FGD4: variants seen among roughly 807,000 people sequenced by gnomAD.
The protein encoded by FGD4 is FYVE, RhoGEF and PH domain containing 4.
In FGD4, 42 loss-of-function variants were observed where a neutral mutation model predicts 102.0. The ratio of observed to expected loss-of-function variants is 0.41; its 90% CI spans 0.32 to 0.53. The LOEUF (loss-of-function observed/expected upper bound fraction) is 0.53. Ranked by LOEUF, FGD4 falls within the 20% of genes least tolerant of loss-of-function variation. FGD4 has a pLI of 0.21. For missense variants in FGD4, 902 were observed against 1,078.2 expected (o/e 0.84, Z 2.29); for synonymous variants, 380 against 375.7 (o/e 1.01, Z -0.13).
At chr12:32,569,688 T>C (rs1945482670) in intron 2 of FGD4, among the ~76,000 whole-genome samples, 1 of 152,170 alleles carries the variant, frequency 6.6e-6, no homozygotes, top group South Asian at 2.1e-4. Context: ...GATAAATGAT[T>C]TACTTGCTAT....
chr12:32,503,073 G>A (rs1486264789), intron 1 of FGD4, among the ~76,000 whole-genome samples: 1 of 152,194 alleles, frequency 6.6e-6, no homozygotes, highest in Non-Finnish European at 1.5e-5. Flanking sequence ...TAAGAGGTTG[G>A]TAGCTCAAAC....
chr12:32,621,274 C>T (rs962179861), intron 11 of FGD4, among the ~76,000 whole-genome samples: 9 of 151,972 alleles, frequency 5.9e-5, no homozygotes, highest in Admixed American at 2.0e-4. Context: ...GGCAACAGAG[C>T]GAGACTCTGT....
At chr12:32,486,303 AT>A (rs1193587949) in intron 1 of FGD4, among the ~76,000 whole-genome samples, 1 of 152,092 alleles carries the variant, frequency 6.6e-6, no homozygotes, top group Non-Finnish European at 1.5e-5. Context: ...ATTATCGTGG[AT>A]TTTCTTTAGA....
At chr12:32,419,989 A>G (rs1205132507) in intron 1 of FGD4, among the ~76,000 whole-genome samples, 1 of 152,134 alleles carries the variant, frequency 6.6e-6, no homozygotes, top group African/African-American at 2.4e-5. Context: ...TATTCTCTTC[A>G]ATGTCTCTTT....
intron 1 of FGD4, among the ~76,000 whole-genome samples, chr12:32,422,723 C>T (rs899253535): frequency 5.5e-4 from 84 of 152,172 alleles, no homozygotes; most frequent in African/African-American, 2.0e-3. Context: ...CTAACAAATT[C>T]CCCTCCCCCT....
intron 1 of FGD4, among the ~76,000 whole-genome samples, chr12:32,515,253 T>C (rs1286639509): frequency 1.3e-5 from 2 of 152,206 alleles, no homozygotes; most frequent in Non-Finnish European, 2.9e-5. Flanking sequence ...AGGGCCCCAC[T>C]CCAATAAGGA....
intron 16 of FGD4, 58 bp from the exon 17 acceptor site, chr12:32,640,218 G>C: frequency 1.2e-6 from 2 of 1,613,308 alleles, no homozygotes; most frequent in Non-Finnish European, 1.7e-6. Flanking sequence ...AGGAGCAAGG[G>C]ACACACTTAA....
intron 1 of FGD4, among the ~76,000 whole-genome samples, chr12:32,443,079 C>A (rs1942497700): frequency 1.3e-5 from 2 of 152,146 alleles, no homozygotes; most frequent in South Asian, 2.1e-4. Flanking sequence ...TAACCTCTTA[C>A]CAGATGTATG....
intron 1 of FGD4, among the ~76,000 whole-genome samples, chr12:32,554,639 T>C (rs1444248482): frequency 6.6e-6 from 1 of 152,146 alleles, no homozygotes; most frequent in African/African-American, 2.4e-5. Context: ...CCATAGGTGC[T>C]ACAGAAAAAA....
intron 2 of FGD4, among the ~76,000 whole-genome samples, chr12:32,572,201 T>C (rs1371023109): frequency 6.6e-6 from 1 of 152,212 alleles, no homozygotes; most frequent in Non-Finnish European, 1.5e-5. Context: ...TCTAGATATA[T>C]AATAAGGTTC....
At chr12:32,580,007 C>T (rs145494643) in intron 3 of FGD4, among the ~76,000 whole-genome samples, 210 of 152,324 alleles carry the variant, frequency 1.4e-3, no homozygotes, top group African/African-American at 4.9e-3. Context: ...TTTCCTTCCC[C>T]ACCTCCCTTT....
In FGD4 at chr12:32,562,552, CCCTGCGGCCTT is replaced by C. The variant is rs1944702786; in HGVS notation, c.167-1582_167-1572del. ...GTCTCTGGTTTTCCTAGGCAGAGGA[CCCTGCGGCCTT>C]CCGCAGTGTTTGTGTCCCTGGGTAC... On this transcript the variant is annotated intron_variant, in intron 1 of 16. Transcript: ENST00000534526. 9.9e-5 allele frequency among the ~76,000 whole-genome samples: 15 copies of C among 152,214 alleles called. No homozygotes were observed. In the South Asian group the frequency reaches 3.1e-3, roughly 32 times the overall value.
chr12:32,439,897 A>T (rs868197495), intron 1 of FGD4, among the ~76,000 whole-genome samples: 2 of 151,756 alleles, frequency 1.3e-5, no homozygotes, highest in East Asian at 3.9e-4. Context: ...CAAATAGCCT[A>T]TCTTCAGGCT....
At chr12:32,431,379 A>T (rs1942037808) in intron 1 of FGD4, among the ~76,000 whole-genome samples, 1 of 152,172 alleles carries the variant, frequency 6.6e-6, no homozygotes. Flanking sequence ...TTTCTGGCAT[A>T]GGTCCTGAGT....
chr12:32,599,494 C>CAAAAAAAAAAAAAAAAAAAAAAAA (rs777429838), intron 5 of FGD4, among the ~76,000 whole-genome samples: 4 of 19,694 alleles, frequency 2.0e-4, no homozygotes, highest in Admixed American at 6.8e-4. Flanking sequence ...GACTCCGTCT[C>CAAAAAAAAAAAAAAAAAAAAAAAA]AAAAAAAAAA....
chr12:32,632,204 T>G (rs965473324), intron 14 of FGD4, among the ~76,000 whole-genome samples: 2 of 152,218 alleles, frequency 1.3e-5, no homozygotes, highest in African/African-American at 4.8e-5. Context: ...AAACAATTAT[T>G]CTATAATAGA....
chr12:32,472,529 G>A lies in FGD4; in HGVS notation c.166+72570G>A, dbSNP rs556112818. On this transcript the variant is annotated intron_variant, in intron 1 of 16. Transcript: ENST00000534526. ...CGCTGGGCCTTGGCTGCCTTTCCAC[G>A]GGGCAGGGCTCGGGACCTGCAGCCC... Among the ~76,000 whole-genome samples the A allele has an allele frequency of 1.2e-3, 183 of 152,352 alleles. 1 individual carries two copies. The highest frequency in any genetic ancestry group is 2.2e-3 in the Non-Finnish European group (153 of 68,030).
intron 1 of FGD4, among the ~76,000 whole-genome samples, chr12:32,416,832 A>G (rs1300146680): frequency 6.6e-6 from 1 of 151,686 alleles, no homozygotes; most frequent in African/African-American, 2.4e-5. Context: ...TCTGTGTGCC[A>G]TTACCAGTGA....
rs368087865 is a variant in FGD4, at chr12:32,598,559, T to C, written c.1074T>C (p.Tyr358=). The C allele has an allele frequency of 6.2e-7, 1 of 1,613,734 alleles. No homozygotes were observed. The highest frequency in any genetic ancestry group is 8.5e-7 in the Non-Finnish European group (1 of 1,179,898). The part of the protein sequence containing the change: ...ANELLLTERA[Y]VNRLDLLDQV... ...AACTTTTGCTTACTGAAAGAGCTTA[T>C]GTCAACCGACTTGACCTCTTAGATC... The change falls in exon 5 of 17, where the codon TAT becomes TAC. Residue 358 remains tyrosine, a synonymous_variant. Transcript: ENST00000534526.
Sources: gnomAD v4.1 joint callset for allele counts (sites outside exome capture counted in the v4.1 genomes callset) on GRCh38, gnomAD v4.1.1 for gene constraint, MANE v1.5 for transcripts, NCBI Gene and HGNC (gene_info 2026-07-23, HGNC 2026-07-21) for gene names.